The following ARFIP1 variants were observed in gnomAD, a reference collection of about 807,000 sequenced individuals.
The protein encoded by ARFIP1 is arfaptin-1.
Under a neutral mutation model 42.5 loss-of-function variants are expected in ARFIP1, and 24 were observed. The observed-to-expected ratio is 0.57, with a 90% CI of 0.41 to 0.80. The LOEUF is 0.80. Among genes scored for constraint, ARFIP1 ranks in the 30% least tolerant of loss-of-function variants. The pLI, the probability that ARFIP1 is intolerant of heterozygous loss-of-function variation, is 0.00. For missense variants in ARFIP1, 354 were observed against 434.0 expected (o/e 0.82, Z 1.64); for synonymous variants, 141 against 153.7 (o/e 0.92, Z 0.61).
At chr4:152,854,463 C>T (rs972461907) in intron 2 of ARFIP1, among the ~76,000 whole-genome samples, 1 of 151,964 alleles carries the variant, frequency 6.6e-6, no homozygotes, top group African/African-American at 2.4e-5. Flanking sequence ...CCAAGGTTTC[C>T]TGAATTTCTT....
intron 8 of ARFIP1, among the ~76,000 whole-genome samples, chr4:152,907,823 T>C (rs1010408265): frequency 1.3e-5 from 2 of 152,220 alleles, no homozygotes; most frequent in African/African-American, 2.4e-5. Flanking sequence ...TTTTTAATGC[T>C]AAAAACAGTG....
At chr4:152,843,112 C>T (rs954914347) in intron 2 of ARFIP1, among the ~76,000 whole-genome samples, 1 of 152,036 alleles carries the variant, frequency 6.6e-6, no homozygotes, top group African/African-American at 2.4e-5. Flanking sequence ...ATGGGGTGTT[C>T]GCTTGATGTA....
chr4:152,796,347 T>C, intron 1 of ARFIP1: 1 of 740,842 alleles, frequency 1.3e-6, no homozygotes. Context: ...CTTTCATATT[T>C]AGGTGGTTTT....
At chr4:152,808,316 T>TTTTC (rs1554022728) in intron 1 of ARFIP1, among the ~76,000 whole-genome samples, 2 of 130,870 alleles carry the variant, frequency 1.5e-5, no homozygotes, top group Non-Finnish European at 3.3e-5. Context: ...TTTTTTTTTT[T>TTTTC]TGTAGCAGTA....
At chr4:152,880,513 C>G (rs915008872) in intron 5 of ARFIP1, among the ~76,000 whole-genome samples, 9 of 151,918 alleles carry the variant, frequency 5.9e-5, no homozygotes, top group African/African-American at 2.2e-4. Flanking sequence ...TTTCTTCTTT[C>G]TTTATTCCTC....
chr4:152,829,653 A>C lies in ARFIP1; in HGVS notation c.20A>C (p.Lys7Thr). Reference protein sequence around the residue: MAQESPKNSAAEIPVTS... With the variant: MAQESPTNSAAEIPVTS... Reference sequence around the variant, plus strand: ...TCTACCATGGCTCAAGAATCTCCCAAAAATTCAGCAGCAGAAATTCCAGTG... The same window carrying C: ...TCTACCATGGCTCAAGAATCTCCCACAAATTCAGCAGCAGAAATTCCAGTG... The change falls in exon 2 of 9, where the codon AAA becomes ACA. Residue 7 changes from lysine to threonine, a missense_variant. By Grantham distance (78) the Lys-to-Thr change is moderately conservative (BLOSUM62 -1). Coordinates refer to ENST00000353617, the MANE Select transcript of ARFIP1 (RefSeq NM_001025595.3). 1.2e-6 allele frequency: 2 copies of C among 1,612,256 alleles called. No individual in the cohort carries two copies. Among genetic ancestry groups the C allele is most frequent in the Non-Finnish European group, 1.7e-6 (2 of 1,178,856 alleles).
chr4:152,893,889 A>G (rs953718327), intron 8 of ARFIP1, among the ~76,000 whole-genome samples: 1 of 152,110 alleles, frequency 6.6e-6, no homozygotes, highest in Non-Finnish European at 1.5e-5. Flanking sequence ...ACAGTGTTTC[A>G]TATATAATCA....
intron 1 of ARFIP1, among the ~76,000 whole-genome samples, chr4:152,821,619 T>G (rs79954710): frequency 6.6e-6 from 1 of 152,022 alleles, no homozygotes; most frequent in Admixed American, 6.5e-5. Flanking sequence ...GATTTAGACA[T>G]CCAAATAAAA....
chr4:152,880,662 AT>A (rs1561166002), intron 5 of ARFIP1, among the ~76,000 whole-genome samples: 1 of 152,210 alleles, frequency 6.6e-6, no homozygotes, highest in Non-Finnish European at 1.5e-5. Flanking sequence ...TTAATGCCAA[AT>A]ATCTCTGTTT....
intron 8 of ARFIP1, among the ~76,000 whole-genome samples, chr4:152,900,455 A>C (rs1458576002): frequency 6.6e-6 from 1 of 152,008 alleles, no homozygotes; most frequent in East Asian, 1.9e-4. Context: ...GTTGAAACCT[A>C]TCCCAATGCA....
intron 2 of ARFIP1, among the ~76,000 whole-genome samples, chr4:152,832,119 T>C (rs1421312295): frequency 2.6e-5 from 4 of 152,184 alleles, no homozygotes; most frequent in Non-Finnish European, 5.9e-5. Flanking sequence ...GATTATTTGT[T>C]TTTATTGAGT....
intron 8 of ARFIP1, among the ~76,000 whole-genome samples, chr4:152,907,700 G>C (rs556938566): frequency 6.6e-6 from 1 of 152,306 alleles, no homozygotes; most frequent in African/African-American, 2.4e-5. Context: ...CATCCATAGT[G>C]ATGCATGTAG....
In ARFIP1 at chr4:152,863,648, A is replaced by C; in HGVS notation, c.136A>C (p.Thr46Pro). ...ACCATCTGGACTTGGTCTCTCAGAA[A>C]CCCAAATTACATCTCATGGCTTTGA... ...SLPSGLGLSETQITSHGFDNT... is the reference protein window; with the variant it reads ...SLPSGLGLSEPQITSHGFDNT... The change falls in exon 3 of 9, where the codon ACC (threonine) becomes CCC (proline). Residue 46 changes from threonine to proline, a missense_variant. Physicochemically the swap from Thr to Pro is conservative, Grantham distance 38 (BLOSUM62 -1). Transcript: ENST00000353617. The C allele has an allele frequency of 1.2e-6, 2 of 1,611,526 alleles. No individual in the cohort carries two copies. The highest frequency in any genetic ancestry group is 1.7e-6 in the Non-Finnish European group (2 of 1,177,962).
chr4:152,841,755 C>T (rs1732094819), intron 2 of ARFIP1, among the ~76,000 whole-genome samples: 1 of 152,184 alleles, frequency 6.6e-6, no homozygotes, highest in African/African-American at 2.4e-5. Flanking sequence ...GCTGAGAAAT[C>T]TGCTGTTGAT....
intron 5 of ARFIP1, among the ~76,000 whole-genome samples, chr4:152,876,757 C>T (rs930239010): frequency 7.2e-5 from 11 of 152,196 alleles, no homozygotes; most frequent in Non-Finnish European, 1.2e-4. Flanking sequence ...GTTTTGTGGG[C>T]CAGGCCCAGG....
At chr4:152,847,521 T>C (rs1395611061) in intron 2 of ARFIP1, among the ~76,000 whole-genome samples, 1 of 152,072 alleles carries the variant, frequency 6.6e-6, no homozygotes, top group Admixed American at 6.5e-5. Context: ...AGCAAAAATA[T>C]TTCTGCTTCT....
At chr4:152,837,270 C>A (rs759626239) in intron 2 of ARFIP1, among the ~76,000 whole-genome samples, 2 of 152,124 alleles carry the variant, frequency 1.3e-5, no homozygotes, top group South Asian at 2.1e-4. Flanking sequence ...TGCATGACTT[C>A]TTTTCCTCTG....
chr4:152,903,023 T>C (rs1172491397), intron 8 of ARFIP1, among the ~76,000 whole-genome samples: 1 of 152,252 alleles, frequency 6.6e-6, no homozygotes, highest in African/African-American at 2.4e-5. Context: ...TGTATTGCAA[T>C]TCCTTTTCTA....
chr4:152,893,316 G>A (rs1042869165), intron 8 of ARFIP1, among the ~76,000 whole-genome samples: 3 of 152,160 alleles, frequency 2.0e-5, no homozygotes, highest in African/African-American at 7.2e-5. Context: ...TAGTCTCTCA[G>A]AAATGCTTCT....
Sources: gnomAD v4.1 joint callset for allele counts (sites outside exome capture counted in the v4.1 genomes callset) on GRCh38, gnomAD v4.1.1 for gene constraint, MANE v1.5 for transcripts, NCBI Gene and HGNC (gene_info 2026-07-23, HGNC 2026-07-21) for gene names.